Variants in PEX14 observed in about 807,000 individuals in gnomAD.
PEX14 encodes peroxisomal membrane protein PEX14.
In PEX14, 15 loss-of-function variants were observed where a neutral mutation model predicts 49.5. The observed-to-expected ratio is 0.30, with a 90% CI of 0.20 to 0.47. The LOEUF is 0.47. PEX14 is among the 20% of genes least tolerant of loss of function. PEX14 has a pLI of 1.00. For missense variants in PEX14, 398 were observed against 494.8 expected (o/e 0.80, Z 1.86); for synonymous variants, 210 against 212.7 (o/e 0.99, Z 0.11).
chr1:10,496,438 G>T (rs1023927593), intron 2 of PEX14, among the ~76,000 whole-genome samples: 2 of 152,146 alleles, frequency 1.3e-5, no homozygotes, highest in African/African-American at 2.4e-5. Flanking sequence ...TAGTCTCTCC[G>T]GACGTCTGCC....
rs1161833863 is a variant in PEX14, at chr1:10,495,317, C to T, written c.80C>T (p.Pro27Leu). 1.9e-6 allele frequency: 3 copies of T among 1,612,828 alleles called. No individual in the cohort carries two copies. Among genetic ancestry groups the T allele is most frequent in the African/African-American group, 1.3e-5 (1 of 74,988 alleles). The change falls in exon 2 of 9, where the codon CCG (proline) becomes CTG (leucine). Residue 27 changes from proline (P) to leucine (L), a missense_variant. Transcript: ENST00000356607. This position sits in a 1 kb window ranked among gnomAD's most constrained non-coding sequence, Gnocchi z 4.2. ...PGSENVLPRE[P>L]LIATAVKFLQ... is the part of the protein sequence containing the mutation. The stretch of plus-strand genomic sequence containing the variant: ...AGTGAAAATGTGCTGCCTCGAGAGC[C>T]GCTGGTAAGTACCCAAGATATGTGG...
chr1:10,477,074 T>G (rs1039322305), intron 1 of PEX14, among the ~76,000 whole-genome samples: 18 of 149,402 alleles, frequency 1.2e-4, no homozygotes, highest in African/African-American at 4.5e-4. Context: ...CTTGAACTTT[T>G]CTTTTTTTTT....
Position 10,539,424 on chromosome 1 carries a change from C to T in PEX14, c.169+3127C>T, listed in dbSNP as rs527729578. Among the ~76,000 whole-genome samples the T allele has an allele frequency of 3.7e-4, 56 of 152,172 alleles. No homozygotes were observed. The highest frequency in any genetic ancestry group is 6.9e-4 in the Non-Finnish European group (47 of 68,004). ...AATTTACAACATTTCTTCCTTTTATCGGGAATATTTTGGATGAAAGAAAAA... is the reference window on the plus strand; with the variant it reads ...AATTTACAACATTTCTTCCTTTTATTGGGAATATTTTGGATGAAAGAAAAA... On this transcript the variant is annotated intron_variant, in intron 3 of 8. Coordinates refer to ENST00000356607, the MANE Select transcript of PEX14 (RefSeq NM_004565.3). The surrounding 1 kb of genome is among the most constrained non-coding windows in gnomAD (Gnocchi z 4.6).
At chr1:10,604,355 G>A (rs1221080588) in intron 4 of PEX14, among the ~76,000 whole-genome samples, 1 of 152,146 alleles carries the variant, frequency 6.6e-6, no homozygotes, top group Non-Finnish European at 1.5e-5. Context: ...TGGACGTGGC[G>A]CCTGTAATCC....
rs115000081 is a variant in PEX14, at chr1:10,596,374, C to A, written c.170-2864C>A. 6.8e-3 allele frequency among the ~76,000 whole-genome samples: 1,037 copies of A among 152,288 alleles called. 1 individual carries two copies. The highest frequency in any genetic ancestry group is 0.01 in the Non-Finnish European group (704 of 68,008). ...AGTATTGTTCAAAAAGTTGTCCAGG[C>A]GTCATTTACAGATAGGAGCCAGGGG... On this transcript the variant is annotated intron_variant, in intron 3 of 8. Coordinates refer to ENST00000356607, the MANE Select transcript of PEX14 (RefSeq NM_004565.3).
intron 1 of PEX14, among the ~76,000 whole-genome samples, chr1:10,484,918 C>T (rs184803501): frequency 3.0e-4 from 46 of 151,794 alleles, no homozygotes; most frequent in Middle Eastern, 3.4e-3. Context: ...GACATTACCA[C>T]GACGTATCTC....
At chr1:10,577,723 C>T (rs1441366483) in intron 3 of PEX14, among the ~76,000 whole-genome samples, 1 of 147,840 alleles carries the variant, frequency 6.8e-6, no homozygotes, top group Non-Finnish European at 1.5e-5. Flanking sequence ...GCCTCAGCCT[C>T]CTGAGTAGCT....
intron 1 of PEX14, among the ~76,000 whole-genome samples, chr1:10,493,542 C>A (rs1641506567): frequency 6.6e-6 from 1 of 152,046 alleles, no homozygotes; most frequent in Non-Finnish European, 1.5e-5. Context: ...ATCCTTCTGC[C>A]CCAGCTTCCC....
chr1:10,619,966 T>G (rs1459777295), intron 5 of PEX14, among the ~76,000 whole-genome samples: 2 of 151,834 alleles, frequency 1.3e-5, no homozygotes, highest in African/African-American at 4.8e-5. Flanking sequence ...ATACAAAAAA[T>G]TAGCCCAGCA....
chr1:10,540,020 A>G (rs545709461), intron 3 of PEX14, among the ~76,000 whole-genome samples: 1 of 152,296 alleles, frequency 6.6e-6, no homozygotes, highest in Admixed American at 6.5e-5. Flanking sequence ...CAAGTGTCTA[A>G]GTAAAGGGCT....
chr1:10,508,397 C>T (rs1046812453), intron 2 of PEX14, among the ~76,000 whole-genome samples: 2 of 151,992 alleles, frequency 1.3e-5, no homozygotes, highest in Non-Finnish European at 1.5e-5. Flanking sequence ...TTAGTAGAGA[C>T]GGGGTTTCAC....
intron 3 of PEX14, among the ~76,000 whole-genome samples, chr1:10,583,224 C>CT (rs59269485): frequency 0.018 from 2,588 of 142,972 alleles, 56 homozygotes; most frequent in African/African-American, 0.052. Flanking sequence ...TCTTTCTACA[C>CT]TTTTTTTTTT....
At chr1:10,533,900 T>G (rs1638721989) in intron 2 of PEX14, among the ~76,000 whole-genome samples, 1 of 152,254 alleles carries the variant, frequency 6.6e-6, no homozygotes, top group Non-Finnish European at 1.5e-5. Flanking sequence ...CGCCAAGCAC[T>G]GCATTGAGTG....
Position 10,618,315 on chromosome 1 carries a change from C to G in PEX14, c.299-17C>G. 1 of 1,610,812 alleles carries G rather than the reference C, an allele frequency of 6.2e-7. No homozygotes were observed. The highest frequency in any genetic ancestry group is 8.5e-7 in the Non-Finnish European group (1 of 1,177,396). On this transcript the variant is annotated splice_polypyrimidine_tract_variant and intron_variant, in intron 4 of 8. Coordinates refer to ENST00000356607, the MANE Select transcript of PEX14 (RefSeq NM_004565.3). The stretch of plus-strand genomic sequence containing the variant: ...GCCATGTGCGTCTTCTAACCCTCCT[C>G]CTCTTCCCGCCTGTAGGTCCCGCAG...
intron 3 of PEX14, among the ~76,000 whole-genome samples, chr1:10,580,369 T>G (rs1403622576): frequency 6.6e-6 from 1 of 151,958 alleles, no homozygotes; most frequent in East Asian, 1.9e-4. Flanking sequence ...GGATTACAGG[T>G]GCATGCTACC....
chr1:10,476,632 C>T (rs1331292748), intron 1 of PEX14, among the ~76,000 whole-genome samples: 2 of 151,964 alleles, frequency 1.3e-5, no homozygotes, highest in Admixed American at 6.6e-5. Context: ...GCTGGGACTA[C>T]GGGTGCCTGC....
chr1:10,478,810 A>T lies in PEX14; in HGVS notation c.36+3808A>T, dbSNP rs570533548. ...GCCCAGGCTGGAGTGCAGTGGTGCG[A>T]TCTCAACTCACTGCAAGCTCCGCCT... On this transcript the variant is annotated intron_variant, in intron 1 of 8. Transcript: ENST00000356607. 6.1e-5 allele frequency among the ~76,000 whole-genome samples: 9 copies of T among 148,690 alleles called. No homozygotes were observed. In the South Asian group the frequency reaches 1.9e-3, roughly 32 times the overall value.
At chr1:10,533,355 A>T (rs1638703738) in intron 2 of PEX14, among the ~76,000 whole-genome samples, 1 of 152,162 alleles carries the variant, frequency 6.6e-6, no homozygotes, top group Non-Finnish European at 1.5e-5. Flanking sequence ...ATTTTATATG[A>T]CTTGAAATTA....
intron 2 of PEX14, among the ~76,000 whole-genome samples, chr1:10,519,385 T>C (rs1642026976): frequency 6.6e-6 from 1 of 152,034 alleles, no homozygotes; most frequent in Non-Finnish European, 1.5e-5. Flanking sequence ...GAGAGAGTGC[T>C]TAAGAGGGAG....
Sources: gnomAD v4.1 joint callset for allele counts (sites outside exome capture counted in the v4.1 genomes callset) on GRCh38, gnomAD v4.1.1 for gene constraint, Gnocchi (gnomAD v3.1) non-coding constraint, MANE v1.5 for transcripts, NCBI Gene and HGNC (gene_info 2026-07-23, HGNC 2026-07-21) for gene names.